PDE8A: variants seen among roughly 807,000 people sequenced by gnomAD.
The protein encoded by PDE8A is phosphodiesterase 8A.
PDE8A carries 59 observed loss-of-function variants against 105.0 expected under a neutral mutation model. The ratio of observed to expected loss-of-function variants is 0.56; its 90% CI spans 0.46 to 0.70. PDE8A has a LOEUF of 0.70. Among genes scored for constraint, PDE8A ranks in the 30% least tolerant of loss-of-function variants. PDE8A has a pLI of 0.00. For synonymous variants in PDE8A, 355 were observed against 371.9 expected, an observed-to-expected ratio of 0.95 and a Z score of 0.52; for missense variants, 1,014 against 1,045.9, an observed-to-expected ratio of 0.97 and a Z score of 0.42.
At chr15:85,068,962 G>C (rs1267613750) in intron 3 of PDE8A, among the ~76,000 whole-genome samples, 1 of 152,144 alleles carries the variant, frequency 6.6e-6, no homozygotes, top group African/African-American at 2.4e-5. Flanking sequence ...GTACATTTTA[G>C]GAATATTCTA....
At chr15:85,008,313 A>G (rs1413252458) in intron 1 of PDE8A, among the ~76,000 whole-genome samples, 1 of 151,938 alleles carries the variant, frequency 6.6e-6, no homozygotes, top group African/African-American at 2.4e-5. Context: ...TGGGTTAATT[A>G]TATTTGCTTC....
chr15:85,102,873 A>G (rs2081888604), intron 11 of PDE8A, among the ~76,000 whole-genome samples: 2 of 150,424 alleles, frequency 1.3e-5, no homozygotes, highest in African/African-American at 4.9e-5. Flanking sequence ...ACTGTAAAGT[A>G]GGTATGACTA....
At chr15:85,036,436 C>G (rs2080707741) in intron 1 of PDE8A, among the ~76,000 whole-genome samples, 2 of 152,222 alleles carry the variant, frequency 1.3e-5, no homozygotes, top group Admixed American at 6.5e-5. Context: ...GAAGCAGAGC[C>G]ACTTTATTCC....
intron 1 of PDE8A, among the ~76,000 whole-genome samples, chr15:85,001,340 C>CT (rs960460835): frequency 5.9e-5 from 9 of 151,926 alleles, no homozygotes; most frequent in African/African-American, 1.2e-4. Flanking sequence ...AAAATGCCCC[C>CT]TTTTTTTTGT....
At chr15:85,091,218 A>G (rs754821542) in intron 8 of PDE8A, 37 bp downstream of exon 8, 11 of 1,549,906 alleles carry the variant, frequency 7.1e-6, no homozygotes, top group Non-Finnish European at 7.9e-6. Flanking sequence ...AACTTTCACA[A>G]CACAGAGAGA....
At chr15:85,088,315 A>G (rs1055034475) in intron 6 of PDE8A, among the ~76,000 whole-genome samples, 3 of 152,074 alleles carry the variant, frequency 2.0e-5, no homozygotes, top group Non-Finnish European at 2.9e-5. Context: ...ATGAGCCACT[A>G]CCCCCAGCCC....
intron 20 of PDE8A, among the ~76,000 whole-genome samples, chr15:85,130,423 T>C (rs892646704): frequency 6.6e-6 from 1 of 152,218 alleles, no homozygotes; most frequent in Non-Finnish European, 1.5e-5. Context: ...TTCACTGTTA[T>C]TAGAAAAGGT....
rs972043451 is a variant in PDE8A, at chr15:85,102,364, T to C, written c.1036+2166T>C. On this transcript the variant is annotated intron_variant, in intron 11 of 21. Transcript: ENST00000394553. ...AAACTTGTGCTTTGCATTCAAGAGC[T>C]CGTGTGTGACCTGCAGACATGCAGT... Among the ~76,000 whole-genome samples the C allele has an allele frequency of 1.2e-4, 19 of 152,146 alleles. No individual in the cohort carries two copies. The South Asian group carries it at 2.3e-3, about 18-fold the overall frequency.
chr15:85,016,263 T>C (rs149481427), intron 1 of PDE8A, among the ~76,000 whole-genome samples: 134 of 152,358 alleles, frequency 8.8e-4, no homozygotes, highest in Non-Finnish European at 1.1e-3. Flanking sequence ...TGGGAAAGCT[T>C]TCCATACTCC....
At chr15:85,114,871 T>C (rs1378404707) in intron 14 of PDE8A, among the ~76,000 whole-genome samples, 5 of 151,624 alleles carry the variant, frequency 3.3e-5, no homozygotes, top group Non-Finnish European at 7.4e-5. Context: ...GGCGAGCAGA[T>C]GAGAATAGCC....
rs199658876 is a variant in PDE8A, at chr15:85,137,889, C to G, written c.2476C>G (p.Pro826Ala). The change falls in exon 22 of 22, where the codon CCA becomes GCA. Residue 826 changes from proline to alanine, a missense_variant. Coordinates refer to ENST00000394553, the MANE Select transcript of PDE8A (RefSeq NM_002605.3). ...LDEMKLRNLR[P>A]PPE ...CGAAATGAAGCTGCGGAACCTCCGACCACCTCCTGAATAGTGGGAGACACC... is the reference window on the plus strand; with the variant it reads ...CGAAATGAAGCTGCGGAACCTCCGAGCACCTCCTGAATAGTGGGAGACACC... 10 of 1,605,930 alleles carry G rather than the reference C, an allele frequency of 6.2e-6. No individual in the cohort carries two copies. Among genetic ancestry groups the G allele is most frequent in the African/African-American group, 1.3e-5 (1 of 74,890 alleles).
intron 11 of PDE8A, among the ~76,000 whole-genome samples, chr15:85,103,326 G>C (rs565679028): frequency 6.6e-6 from 1 of 152,338 alleles, no homozygotes; most frequent in Admixed American, 6.5e-5. Flanking sequence ...ATGTTCGGCA[G>C]GGGGAGCATC....
At chr15:85,074,495 G>A (rs1051256793) in intron 3 of PDE8A, among the ~76,000 whole-genome samples, 4 of 152,214 alleles carry the variant, frequency 2.6e-5, no homozygotes, top group Non-Finnish European at 5.9e-5. Context: ...GAATGCAGGA[G>A]TTTGAGACCA....
intron 20 of PDE8A, among the ~76,000 whole-genome samples, chr15:85,130,300 A>G (rs944803703): frequency 6.6e-6 from 1 of 152,202 alleles, no homozygotes; most frequent in African/African-American, 2.4e-5. Context: ...ATTATTTTTC[A>G]ACATGTGATT....
chr15:85,078,384 A>G (rs771454549), intron 5 of PDE8A, among the ~76,000 whole-genome samples: 4 of 151,904 alleles, frequency 2.6e-5, no homozygotes, highest in Non-Finnish European at 5.9e-5. Flanking sequence ...TGTCTTGACT[A>G]AAAATACAAA....
At chr15:85,013,997 CCT>C in intron 1 of PDE8A, among the ~76,000 whole-genome samples, 1 of 152,250 alleles carries the variant, frequency 6.6e-6, no homozygotes, top group Admixed American at 6.5e-5. Flanking sequence ...GCTACAATGC[CCT>C]GTTTGACCTA....
Position 85,139,053 on chromosome 15 carries a change from A to T in PDE8A, c.*1150A>T, listed in dbSNP as rs1176656909. Reference sequence around the variant, plus strand: ...AATACCATAAAAAATGACACTTGACATGTCAATGTATTTGTCATTTCATTT... The same window carrying T: ...AATACCATAAAAAATGACACTTGACTTGTCAATGTATTTGTCATTTCATTT... On this transcript the variant is annotated 3_prime_UTR_variant, in exon 22 of 22. Transcript: ENST00000394553. 6.6e-6 allele frequency: 1 copy of T among 152,202 alleles called. No individual in the cohort carries two copies. The highest frequency in any genetic ancestry group is 1.5e-5 in the Non-Finnish European group (1 of 68,026). The allele number at this position is 152,202 out of a possible 1,614,324, so 9.4% of individuals were successfully genotyped here.
intron 1 of PDE8A, among the ~76,000 whole-genome samples, chr15:85,058,502 T>C (rs1476645822): frequency 6.6e-6 from 1 of 152,242 alleles, no homozygotes; most frequent in Non-Finnish European, 1.5e-5. Context: ...AAATGCTTGG[T>C]AGAATTCACC....
At chr15:85,032,752 A>G (rs1043323310) in intron 1 of PDE8A, among the ~76,000 whole-genome samples, 3 of 152,158 alleles carry the variant, frequency 2.0e-5, no homozygotes, top group African/African-American at 7.2e-5. Context: ...GCATGGGAAA[A>G]GGTCAATTTA....
Sources: allele counts gnomAD v4.1 joint callset (sites outside exome capture counted in the v4.1 genomes callset), GRCh38; gene constraint gnomAD v4.1.1; transcripts MANE v1.5; gene names NCBI Gene and HGNC (gene_info 2026-07-23, HGNC 2026-07-21).